The following POU3F3 variants were observed in gnomAD, a reference collection of about 807,000 sequenced individuals.
POU3F3 encodes POU class 3 homeobox 3.
Under a neutral mutation model 8.6 loss-of-function variants are expected in POU3F3, and 1 was observed. That is an observed-to-expected ratio of 0.12 (90% CI 0.04 to 0.55). POU3F3 has a LOEUF of 0.55. Ranked by LOEUF, POU3F3 falls within the 20% of genes least tolerant of loss-of-function variation. POU3F3 has a pLI of 0.91. For missense variants in POU3F3, 577 were observed against 690.7 expected (o/e 0.84, Z 1.84); for synonymous variants, 418 against 327.4 (o/e 1.28, Z -2.99).
chr2:104,920,539 G>C, the POU3F3 span, among the ~76,000 whole-genome samples: 2 of 152,138 alleles, frequency 1.3e-5, no homozygotes, highest in Middle Eastern at 3.2e-3. Context: ...GTAGAGCTAA[G>C]ATGTGGTCAG....
At chr2:104,881,114 A>ATTTCTTTCTTTCTTTC in the POU3F3 span, among the ~76,000 whole-genome samples, 23 of 101,030 alleles carry the variant, frequency 2.3e-4, no homozygotes, top group African/African-American at 7.0e-4. Flanking sequence ...TTCTTTCTTT[A>ATTTCTTTCTTTCTTTC]TTTCTTACTT....
chr2:104,925,528 G>T, the POU3F3 span, among the ~76,000 whole-genome samples: 7 of 152,132 alleles, frequency 4.6e-5, no homozygotes, highest in South Asian at 4.1e-4. Flanking sequence ...CAACTAAACA[G>T]AATCTCTCTG....
chr2:104,901,301 C>A, the POU3F3 span, among the ~76,000 whole-genome samples: 2 of 152,122 alleles, frequency 1.3e-5, no homozygotes, highest in Admixed American at 6.6e-5. Flanking sequence ...CATATTGAAC[C>A]AGTCTGGCAC....
chr2:104,900,784 G>A, the POU3F3 span, among the ~76,000 whole-genome samples: 1 of 152,196 alleles, frequency 6.6e-6, no homozygotes, highest in African/African-American at 2.4e-5. Context: ...TGGCCAGGAA[G>A]GTAAATGCTA....
chr2:104,868,266 G>C, the POU3F3 span: 22 of 456,644 alleles, frequency 4.8e-5, no homozygotes, highest in East Asian at 1.2e-3. Flanking sequence ...AGCGCAGAGC[G>C]GGCGGCAGTG....
the POU3F3 span, among the ~76,000 whole-genome samples, chr2:104,907,619 T>G: frequency 1.3e-5 from 2 of 152,180 alleles, no homozygotes; most frequent in South Asian, 4.2e-4. Flanking sequence ...ATTATTATTA[T>G]TTTTTGAAGT....
chr2:104,896,127 C>T, the POU3F3 span, among the ~76,000 whole-genome samples: 1 of 152,226 alleles, frequency 6.6e-6, no homozygotes, highest in African/African-American at 2.4e-5. Context: ...GATTGAGTAA[C>T]AGGATGTGGT....
At chr2:104,921,201 G>A in the POU3F3 span, among the ~76,000 whole-genome samples, 1 of 152,138 alleles carries the variant, frequency 6.6e-6, no homozygotes, top group Non-Finnish European at 1.5e-5. Context: ...AGGAGGCCAT[G>A]ATATGAGGCT....
chr2:104,870,376 C>A, the POU3F3 span, among the ~76,000 whole-genome samples: 9 of 152,212 alleles, frequency 5.9e-5, no homozygotes, highest in South Asian at 4.1e-4. Flanking sequence ...CAAAACTTTT[C>A]GCTGCTTAGC....
At chr2:104,886,197 G>T in the POU3F3 span, among the ~76,000 whole-genome samples, 1 of 152,088 alleles carries the variant, frequency 6.6e-6, no homozygotes, top group Non-Finnish European at 1.5e-5. Context: ...TTGGGGTCTG[G>T]ATCGGGACCC....
At chr2:104,881,989 T>G in the POU3F3 span, among the ~76,000 whole-genome samples, 734 of 152,356 alleles carry the variant, frequency 4.8e-3, 6 homozygotes, top group African/African-American at 0.017. Flanking sequence ...AAACCTGGAC[T>G]TTAAAGAAAA....
the POU3F3 span, among the ~76,000 whole-genome samples, chr2:104,882,387 G>A: frequency 6.6e-6 from 1 of 151,892 alleles, no homozygotes; most frequent in Non-Finnish European, 1.5e-5. Flanking sequence ...AAGTAGCTGG[G>A]ACTATAGGCG....
chr2:104,923,018 T>G, the POU3F3 span, among the ~76,000 whole-genome samples: 1 of 152,280 alleles, frequency 6.6e-6, no homozygotes, highest in Admixed American at 6.5e-5. Flanking sequence ...GAAAAAAAAC[T>G]GTCAAGCAAG....
chr2:104,902,116 C>T, the POU3F3 span, among the ~76,000 whole-genome samples: 2 of 152,096 alleles, frequency 1.3e-5, no homozygotes, highest in Non-Finnish European at 2.9e-5. Flanking sequence ...ATCTCTCCCT[C>T]TCTTCCCTCT....
chr2:104,878,363 T>A, the POU3F3 span, among the ~76,000 whole-genome samples: 1 of 152,222 alleles, frequency 6.6e-6, no homozygotes, highest in African/African-American at 2.4e-5. Context: ...TTCTCTACTA[T>A]GCTATAGAGA....
At chr2:104,887,482 G>C in the POU3F3 span, among the ~76,000 whole-genome samples, 15 of 152,318 alleles carry the variant, frequency 9.8e-5, no homozygotes, top group African/African-American at 3.6e-4. Flanking sequence ...CCATGGAATA[G>C]TGCAGGATCT....
chr2:104,905,741 C>T, the POU3F3 span, among the ~76,000 whole-genome samples: 28 of 152,294 alleles, frequency 1.8e-4, no homozygotes, highest in African/African-American at 3.1e-4. Flanking sequence ...CTCTGCAGGA[C>T]GCCATCTTCC....
At chr2:104,914,140 T>C in the POU3F3 span, among the ~76,000 whole-genome samples, 1 of 152,246 alleles carries the variant, frequency 6.6e-6, no homozygotes, top group Admixed American at 6.5e-5. Flanking sequence ...TTTATTAAGT[T>C]TGTCAAACAA....
the POU3F3 span, among the ~76,000 whole-genome samples, chr2:104,891,945 T>C: frequency 6.6e-6 from 1 of 152,152 alleles, no homozygotes; most frequent in Non-Finnish European, 1.5e-5. Context: ...CTAAAGCGCA[T>C]TATGCTTATA....
Sources: allele counts gnomAD v4.1 joint callset (sites outside exome capture counted in the v4.1 genomes callset), GRCh38; gene constraint gnomAD v4.1.1; transcripts MANE v1.5; gene names NCBI Gene and HGNC (gene_info 2026-07-23, HGNC 2026-07-21).